Variants in SLIT3 observed in about 807,000 individuals in gnomAD.
The protein encoded by SLIT3 is slit guidance ligand 3.
SLIT3 carries 68 observed loss-of-function variants against 184.0 expected under a neutral mutation model. The observed-to-expected ratio is 0.37, with a 90% confidence interval of 0.30 to 0.45. The LOEUF is 0.45. Among genes scored for constraint, SLIT3 ranks in the 20% least tolerant of loss-of-function variants. SLIT3 has a pLI of 1.00. For missense variants in SLIT3, 1,707 were observed against 2,026.0 expected, an observed-to-expected ratio of 0.84 and a Z score of 3.02; for synonymous variants, 831 against 828.6, an observed-to-expected ratio of 1.00 and a Z score of -0.05.
chr5:168,723,535 C>T (rs1228616107), intron 21 of SLIT3, among the ~76,000 whole-genome samples: 1 of 152,206 alleles, frequency 6.6e-6, no homozygotes, highest in African/African-American at 2.4e-5. Flanking sequence ...AAATATGATA[C>T]ATATAATAAC....
intron 4 of SLIT3, among the ~76,000 whole-genome samples, chr5:169,182,753 T>A (rs1763208234): frequency 6.6e-6 from 1 of 152,244 alleles, no homozygotes; most frequent in Admixed American, 6.5e-5. Context: ...TATTTTTCTA[T>A]ATACAATGCA....
At chr5:168,746,738 G>C (rs1581032171) in intron 20 of SLIT3, among the ~76,000 whole-genome samples, 1 of 103,400 alleles carries the variant, frequency 9.7e-6, no homozygotes, top group African/African-American at 3.5e-5. Flanking sequence ...GTGTGGTGGT[G>C]TGCGGTGGTG....
chr5:169,249,439 T>G (rs984367307), intron 2 of SLIT3, among the ~76,000 whole-genome samples: 1 of 152,242 alleles, frequency 6.6e-6, no homozygotes, highest in African/African-American at 2.4e-5. Context: ...GTGATTATTT[T>G]AAACTTTCTA....
At chr5:168,854,560 G>C (rs965547420) in intron 5 of SLIT3, among the ~76,000 whole-genome samples, 11 of 152,226 alleles carry the variant, frequency 7.2e-5, no homozygotes, top group Admixed American at 4.6e-4. Flanking sequence ...CCAATGGGTG[G>C]CCTTCTGACC....
intron 4 of SLIT3, among the ~76,000 whole-genome samples, chr5:169,170,489 G>A (rs1426444702): frequency 2.6e-5 from 4 of 152,130 alleles, no homozygotes; most frequent in African/African-American, 7.2e-5. Flanking sequence ...GTGAAGCACT[G>A]TTGGGGAATG....
At chr5:169,202,630 G>A (rs73317656) in intron 3 of SLIT3, among the ~76,000 whole-genome samples, 7 of 152,196 alleles carry the variant, frequency 4.6e-5, no homozygotes, top group South Asian at 4.1e-4. Flanking sequence ...AATATTTGCC[G>A]GCCATGCCTC....
chr5:169,142,206 GTTAAC>G (rs1231245277), intron 4 of SLIT3, among the ~76,000 whole-genome samples: 5 of 152,132 alleles, frequency 3.3e-5, no homozygotes, highest in Non-Finnish European at 5.9e-5. Context: ...AACTTAACCA[GTTAAC>G]TTTATTTATA....
chr5:169,216,227 G>A (rs915819100), intron 3 of SLIT3, among the ~76,000 whole-genome samples: 3 of 152,128 alleles, frequency 2.0e-5, no homozygotes, highest in Non-Finnish European at 2.9e-5. Flanking sequence ...CAGGTGGCTA[G>A]TGCAGATCAC....
chr5:169,101,546 T>C (rs1760015399), intron 4 of SLIT3, among the ~76,000 whole-genome samples: 1 of 152,154 alleles, frequency 6.6e-6, no homozygotes, highest in Non-Finnish European at 1.5e-5. Flanking sequence ...GACTCCTTGG[T>C]CTCCTTGCCT....
intron 5 of SLIT3, among the ~76,000 whole-genome samples, chr5:168,871,541 G>A (rs570224227): frequency 2.0e-5 from 3 of 152,110 alleles, no homozygotes; most frequent in Admixed American, 1.3e-4. Context: ...GCCATATGCC[G>A]GAAGAGGTCA....
intron 4 of SLIT3, among the ~76,000 whole-genome samples, chr5:169,169,038 G>C (rs561401794): frequency 7.9e-5 from 3 of 37,816 alleles, no homozygotes; most frequent in East Asian, 1.5e-3. Context: ...AGCCCAGAGT[G>C]GGGGGGGGAT....
intron 5 of SLIT3, among the ~76,000 whole-genome samples, chr5:168,857,304 C>A (rs1313110640): frequency 6.6e-6 from 1 of 152,152 alleles, no homozygotes; most frequent in African/African-American, 2.4e-5. Flanking sequence ...AGGATGACAG[C>A]CACTGTTCTG....
At chr5:169,034,912 AGT>A (rs112102059) in intron 4 of SLIT3, among the ~76,000 whole-genome samples, 13,987 of 132,064 alleles carry the variant, frequency 0.11, 704 homozygotes, top group Middle Eastern at 0.14. Context: ...ACGCCCAGCT[AGT>A]GTGTGTGTGT....
intron 4 of SLIT3, among the ~76,000 whole-genome samples, chr5:168,956,507 C>T (rs752456371): frequency 6.6e-6 from 1 of 152,214 alleles, no homozygotes; most frequent in Non-Finnish European, 1.5e-5. Context: ...TAAAGAATCA[C>T]AGAGGGGGCC....
At chr5:168,895,949 C>A (rs1279780814) in intron 4 of SLIT3, among the ~76,000 whole-genome samples, 2 of 152,320 alleles carry the variant, frequency 1.3e-5, no homozygotes, top group Admixed American at 6.5e-5. Flanking sequence ...TCATTAGTGA[C>A]AAATGTGAGA....
intron 1 of SLIT3, among the ~76,000 whole-genome samples, chr5:169,257,364 C>A (rs1433890101): frequency 3.8e-4 from 53 of 140,064 alleles, no homozygotes; most frequent in Admixed American, 8.5e-4. Context: ...TCCCCACAGC[C>A]CCCCACCCCA....
At chr5:168,755,907 T>G (rs966968764) in intron 16 of SLIT3, among the ~76,000 whole-genome samples, 3 of 152,156 alleles carry the variant, frequency 2.0e-5, no homozygotes, top group Non-Finnish European at 4.4e-5. Flanking sequence ...CTGGGGGGCT[T>G]GTGTGGACCA....
chr5:169,247,824 GC>G (rs1489459316), intron 2 of SLIT3, among the ~76,000 whole-genome samples: 3 of 152,120 alleles, frequency 2.0e-5, no homozygotes, highest in African/African-American at 7.2e-5. Flanking sequence ...AGCCTGGGCA[GC>G]CTTGTCCAGG....
At chr5:169,271,374 C>A (rs910557486) in intron 1 of SLIT3, among the ~76,000 whole-genome samples, 3 of 152,166 alleles carry the variant, frequency 2.0e-5, no homozygotes, top group Non-Finnish European at 4.4e-5. Flanking sequence ...CTCATTCCTG[C>A]GATTACACCT....
Sources: allele counts gnomAD v4.1 joint callset (sites outside exome capture counted in the v4.1 genomes callset), GRCh38; gene constraint gnomAD v4.1.1; transcripts MANE v1.5; gene names NCBI Gene and HGNC (gene_info 2026-07-23, HGNC 2026-07-21).